The following CACNA2D4 variants were observed in gnomAD, a reference collection of about 807,000 sequenced individuals.
CACNA2D4 encodes the protein voltage-dependent calcium channel subunit alpha-2/delta-4.
Under a neutral mutation model 163.8 loss-of-function variants are expected in CACNA2D4, and 157 were observed. That is an observed-to-expected ratio of 0.96 (90% confidence interval 0.84 to 1.09). The LOEUF is 1.09. CACNA2D4 is among the 50% of genes least tolerant of loss of function. CACNA2D4 has a pLI of 0.00. For synonymous variants in CACNA2D4, 598 were observed against 586.9 expected (o/e 1.02, Z -0.27); for missense variants, 1,410 against 1,479.9 (o/e 0.95, Z 0.78).
At chr12:1,867,110 T>G (rs1445088303) in intron 18 of CACNA2D4, among the ~76,000 whole-genome samples, 1 of 152,198 alleles carries the variant, frequency 6.6e-6, no homozygotes, top group Non-Finnish European at 1.5e-5. Flanking sequence ...TCCTTTAGCT[T>G]TTTTGAAGAT....
At chr12:1,899,768 T>C (rs1276732363) in intron 6 of CACNA2D4, among the ~76,000 whole-genome samples, 1 of 152,136 alleles carries the variant, frequency 6.6e-6, no homozygotes, top group Non-Finnish European at 1.5e-5. Context: ...TACTTCCAAA[T>C]ATATTCTATG....
chr12:1,850,047 T>G (rs1439297786), intron 23 of CACNA2D4, among the ~76,000 whole-genome samples: 1 of 151,604 alleles, frequency 6.6e-6, no homozygotes, highest in African/African-American at 2.4e-5. Context: ...ATAGGTACAT[T>G]TTTTTCATAT....
At position 1,799,551 on chromosome 12, in the gene CACNA2D4, A is replaced by G; in HGVS notation, c.2995+124T>C. On this transcript the variant is annotated intron_variant, in intron 34 of 37. Transcript: ENST00000382722. This position sits in a 1 kb window ranked among gnomAD's most constrained non-coding sequence, Gnocchi z 4.7. ...CCAACCCCCAGGAATGGTACTTTAA[A>G]CCAGGAGAGCTCAGCCCTGCTTGGG... 1 of 1,032,276 alleles carries G rather than the reference A, an allele frequency of 9.7e-7. No homozygotes were observed. Among genetic ancestry groups the G allele is most frequent in the Non-Finnish European group, 1.5e-6 (1 of 688,486 alleles). The allele number at this position is 1,032,276 out of a possible 1,614,324, so 63.9% of individuals were successfully genotyped here. A position where few individuals can be genotyped will look rare whatever the true frequency, so the allele number is the denominator to read the frequency against.
intron 26 of CACNA2D4, among the ~76,000 whole-genome samples, chr12:1,830,382 T>C (rs1363749306): frequency 6.6e-6 from 1 of 152,232 alleles, no homozygotes; most frequent in Non-Finnish European, 1.5e-5. Flanking sequence ...AGTGCTGTTT[T>C]GTGCTCTCGC....
At position 1,828,148 on chromosome 12, in the gene CACNA2D4, C is replaced by T; in HGVS notation, c.2551+12591G>A. ...GGGCCCGGAGAGCCGTGGGCCTCAC[C>T]ATGCTGGCGCCGGGCAGCAGCCCTG... On this transcript the variant is annotated intron_variant, in intron 26 of 37. Transcript: ENST00000382722. The surrounding 1 kb of genome is among the most constrained non-coding windows in gnomAD (Gnocchi z 4.2). 1.3e-6 allele frequency: 2 copies of T among 1,540,806 alleles called. No individual in the cohort carries two copies. The highest frequency in any genetic ancestry group is 1.8e-6 in the Non-Finnish European group (2 of 1,142,230).
rs939344014 is a variant in CACNA2D4, at chr12:1,903,191, G to A, written c.781+4249C>T. ...AAAAGAATGAAACTAGACTCCTATCGCTCACCATACACCAAAATCAAATCA... is the reference window on the plus strand; with the variant it reads ...AAAAGAATGAAACTAGACTCCTATCACTCACCATACACCAAAATCAAATCA... On this transcript the variant is annotated intron_variant, in intron 6 of 37. Transcript: ENST00000382722. Among the ~76,000 whole-genome samples, 9 of 151,874 alleles carry A rather than the reference G, an allele frequency of 5.9e-5. No homozygotes were observed. The South Asian group carries it at 6.2e-4, about 11-fold the overall frequency.
chr12:1,870,881 C>A (rs747701512), intron 18 of CACNA2D4, among the ~76,000 whole-genome samples: 1 of 151,958 alleles, frequency 6.6e-6, no homozygotes, highest in South Asian at 2.1e-4. Context: ...CTCCTTCTGC[C>A]GGACAAAAAT....
At chr12:1,909,186 A>G (rs1350365846) in intron 4 of CACNA2D4, among the ~76,000 whole-genome samples, 1 of 137,546 alleles carries the variant, frequency 7.3e-6, no homozygotes. Context: ...TTGTTTATTT[A>G]TTTGTTTATT....
At position 1,841,074 on chromosome 12, in the gene CACNA2D4, A is replaced by C. The variant is rs56764283; in HGVS notation, c.2471-255T>G. On this transcript the variant is annotated intron_variant, in intron 25 of 37. Coordinates refer to ENST00000382722, the MANE Select transcript of CACNA2D4 (RefSeq NM_172364.5). ...TGCAGGGCTGCAGTGGCCCCACGACACTGGGGTTTCTGCGTGTTTGTCGGC... is the reference window on the plus strand; with the variant it reads ...TGCAGGGCTGCAGTGGCCCCACGACCCTGGGGTTTCTGCGTGTTTGTCGGC... 5.4e-3 allele frequency among the ~76,000 whole-genome samples: 828 copies of C among 152,334 alleles called. 12 individuals carry two copies. Among genetic ancestry groups the C allele is most frequent in the African/African-American group, 0.019 (781 of 41,582 alleles).
At chr12:1,846,108 T>TC (rs1865137072) in intron 24 of CACNA2D4, among the ~76,000 whole-genome samples, 1 of 151,968 alleles carries the variant, frequency 6.6e-6, no homozygotes, top group East Asian at 1.9e-4. Context: ...GGGTGAGCAC[T>TC]CCATCTACCA....
At chr12:1,911,753 C>T (rs1866824872) in intron 3 of CACNA2D4, among the ~76,000 whole-genome samples, 1 of 152,164 alleles carries the variant, frequency 6.6e-6, no homozygotes, top group Non-Finnish European at 1.5e-5. Flanking sequence ...CAGGACTGCT[C>T]GCTGCTCTAG....
In CACNA2D4 at chr12:1,878,399, T is replaced by A; in HGVS notation, c.1645-10A>T. On this transcript the variant is annotated splice_polypyrimidine_tract_variant and intron_variant, in intron 15 of 37. Coordinates refer to ENST00000382722, the MANE Select transcript of CACNA2D4 (RefSeq NM_172364.5). The surrounding 1 kb of genome is among the most constrained non-coding windows in gnomAD (Gnocchi z 4.6). ...ATCCGTGCACTCCAAGCTGCCAGAG[T>A]CCAGGGTGGAGGCGCATTAGGCCTG... The A allele has an allele frequency of 6.3e-7, 1 of 1,594,632 alleles. No individual in the cohort carries two copies. Among genetic ancestry groups the A allele is most frequent in the Non-Finnish European group, 8.5e-7 (1 of 1,170,724 alleles).
In CACNA2D4 at chr12:1,883,934, G is replaced by A; in HGVS notation, c.1351+309C>T. 2.4e-6 allele frequency: 1 copy of A among 409,062 alleles called. No individual in the cohort carries two copies. Among genetic ancestry groups the A allele is most frequent in the East Asian group, 3.9e-5 (1 of 25,734 alleles). 25.3% of individuals were successfully genotyped at this position (409,062 alleles called of 1,614,324 possible). ...ATGGGGTCTGGTCAGAGATAGATGA[G>A]GACCATTCACACACAAAACATTATT... On this transcript the variant is annotated intron_variant, in intron 12 of 37. Coordinates refer to ENST00000382722, the MANE Select transcript of CACNA2D4 (RefSeq NM_172364.5). The surrounding 1 kb of genome is among the most constrained non-coding windows in gnomAD (Gnocchi z 4.5).
At chr12:1,818,783 A>G (rs10848578) in intron 26 of CACNA2D4, among the ~76,000 whole-genome samples, 1 of 124,612 alleles carries the variant, frequency 8.0e-6, no homozygotes, top group South Asian at 2.6e-4. Flanking sequence ...ATAAATAAAT[A>G]AATTAAAAAA....
chr12:1,803,662 C>A (rs375013860), intron 29 of CACNA2D4, among the ~76,000 whole-genome samples: 7 of 152,206 alleles, frequency 4.6e-5, no homozygotes, highest in African/African-American at 9.7e-5. Flanking sequence ...GACAAAGGTG[C>A]TCACACTTGT....
Position 1,799,905 on chromosome 12 carries a change from C to G in CACNA2D4, c.2974+95G>C. ...CAACGATGCTTCAGGGTCACCTATC[C>G]CCACTGTCACCCACCCCACAGGGAA... On this transcript the variant is annotated intron_variant, in intron 33 of 37. Coordinates refer to ENST00000382722, the MANE Select transcript of CACNA2D4 (RefSeq NM_172364.5). This position sits in a 1 kb window ranked among gnomAD's most constrained non-coding sequence, Gnocchi z 4.7. The G allele has an allele frequency of 7.2e-7, 1 of 1,388,608 alleles. No individual in the cohort carries two copies. Among genetic ancestry groups the G allele is most frequent in the East Asian group, 2.5e-5 (1 of 39,984 alleles). 86.0% of individuals were successfully genotyped at this position (1,388,608 alleles called of 1,614,324 possible). A position where few individuals can be genotyped will look rare whatever the true frequency, so the allele number is the denominator to read the frequency against.
At chr12:1,827,872 T>C (rs1864414455) in intron 26 of CACNA2D4, 5 of 380,848 alleles carry the variant, frequency 1.3e-5, no homozygotes, top group South Asian at 2.3e-4. Flanking sequence ...CTCGGGCTCC[T>C]GGAAAGCCGA....
intron 23 of CACNA2D4, among the ~76,000 whole-genome samples, chr12:1,851,831 T>A (rs78854636): frequency 0.032 from 4,838 of 152,182 alleles, 237 homozygotes; most frequent in African/African-American, 0.11. Flanking sequence ...CTTTATGATG[T>A]TGAAGTCTCG....
At chr12:1,813,429 C>G (rs943820516) in intron 26 of CACNA2D4, among the ~76,000 whole-genome samples, 43 of 152,240 alleles carry the variant, frequency 2.8e-4, no homozygotes, top group Non-Finnish European at 1.5e-4. Context: ...TGGCCTACAT[C>G]TGTGCTGTCC....
Sources: allele counts gnomAD v4.1 joint callset (sites outside exome capture counted in the v4.1 genomes callset), GRCh38; gene constraint gnomAD v4.1.1; non-coding constraint Gnocchi (gnomAD v3.1); transcripts MANE v1.5; gene names NCBI Gene and HGNC (gene_info 2026-07-23, HGNC 2026-07-21).